Variants in PDE4D observed in about 807,000 individuals in gnomAD.
PDE4D encodes phosphodiesterase 4D, also known as 3',5'-cyclic-AMP phosphodiesterase 4D.
PDE4D carries 24 observed loss-of-function variants against 87.4 expected under a neutral mutation model. That is an observed-to-expected ratio of 0.27 (90% CI 0.20 to 0.39). The LOEUF is 0.39. PDE4D is among the 10% of genes least tolerant of loss of function. PDE4D has a pLI of 1.00. For synonymous variants in PDE4D, 384 were observed against 383.2 expected (o/e 1.00, Z -0.02); for missense variants, 714 against 1,041.0 (o/e 0.69, Z 4.32).
chr5:59,215,741 T>G (rs1581425127), intron 2 of PDE4D, 36 bp downstream of exon 2: 1 of 1,575,672 alleles, frequency 6.3e-7, no homozygotes, highest in Non-Finnish European at 8.7e-7. Flanking sequence ...ATAAATTTAC[T>G]CGGTTTTCTC....
intron 1 of PDE4D, among the ~76,000 whole-genome samples, chr5:60,288,247 C>T (rs1752594456): frequency 6.6e-6 from 1 of 152,108 alleles, no homozygotes; most frequent in Non-Finnish European, 1.5e-5. Context: ...TGAAATATAC[C>T]GATGATCTTA....
chr5:59,292,002 T>A lies in PDE4D; in HGVS notation c.456-76034A>T, dbSNP rs1768132754. On this transcript the variant is annotated intron_variant, in intron 1 of 14. Coordinates refer to ENST00000340635, the MANE Select transcript of PDE4D (RefSeq NM_001104631.2). The stretch of plus-strand genomic sequence containing the variant: ...TTTTGCAAAAAAGTTGAGTCTTAAG[T>A]ATGGTGCTTGGCAAAAGTTGCTTTA... 1.3e-5 allele frequency among the ~76,000 whole-genome samples: 2 copies of A among 152,026 alleles called. 1 individual carries two copies. Among genetic ancestry groups the A allele is most frequent in the Non-Finnish European group, 2.9e-5 (2 of 68,006 alleles).
intron 2 of PDE4D, among the ~76,000 whole-genome samples, chr5:60,020,783 G>A (rs915451271): frequency 8.5e-5 from 13 of 152,088 alleles, no homozygotes; most frequent in Admixed American, 3.3e-4. Flanking sequence ...CTAACAAATT[G>A]TGAGGAAAAA....
At chr5:59,341,367 T>G (rs1050732066) in intron 1 of PDE4D, among the ~76,000 whole-genome samples, 3 of 152,226 alleles carry the variant, frequency 2.0e-5, no homozygotes, top group African/African-American at 7.2e-5. Flanking sequence ...CGTTGTACTT[T>G]GGATCAAATT....
chr5:59,639,217 A>G (rs1741125315), intron 1 of PDE4D, among the ~76,000 whole-genome samples: 1 of 152,114 alleles, frequency 6.6e-6, no homozygotes, highest in South Asian at 2.1e-4. Context: ...TGAGATATTA[A>G]GGTTTTTTTC....
chr5:59,668,851 A>G (rs12655982), intron 1 of PDE4D, among the ~76,000 whole-genome samples: 34,477 of 70,436 alleles, frequency 0.49, 7,530 homozygotes, highest in East Asian at 0.56. Flanking sequence ...AAGAGGAAGA[A>G]GAAGAAGAAG....
chr5:59,357,255 T>G (rs114319865), intron 1 of PDE4D, among the ~76,000 whole-genome samples: 114 of 152,290 alleles, frequency 7.5e-4, no homozygotes, highest in African/African-American at 2.7e-3. Flanking sequence ...TATATCAGTG[T>G]GAACTTTAAA....
At chr5:59,381,488 C>T (rs1242858044) in intron 1 of PDE4D, among the ~76,000 whole-genome samples, 1 of 130,968 alleles carries the variant, frequency 7.6e-6, no homozygotes, top group Non-Finnish European at 1.7e-5. Context: ...AAACATATAT[C>T]TTTTTTTGAA....
intron 1 of PDE4D, among the ~76,000 whole-genome samples, chr5:60,305,399 C>T (rs1754403736): frequency 6.6e-6 from 1 of 151,768 alleles, no homozygotes; most frequent in South Asian, 2.1e-4. Flanking sequence ...TTCTATAAGC[C>T]TTCACAGGGA....
intron 1 of PDE4D, among the ~76,000 whole-genome samples, chr5:59,681,900 CA>C (rs11266968): frequency 0.08 from 7,745 of 96,330 alleles, 722 homozygotes; most frequent in African/African-American, 0.28. Flanking sequence ...GACTCTGTCT[CA>C]AAAAAAAAAA....
At chr5:60,123,891 A>G (rs1413750738) in intron 2 of PDE4D, among the ~76,000 whole-genome samples, 5 of 152,176 alleles carry the variant, frequency 3.3e-5, no homozygotes, top group Non-Finnish European at 7.3e-5. Context: ...AATAAATTAA[A>G]CAATTACCCC....
chr5:59,665,770 T>C (rs1362677786), intron 1 of PDE4D, among the ~76,000 whole-genome samples: 1 of 152,164 alleles, frequency 6.6e-6, no homozygotes, highest in East Asian at 1.9e-4. Flanking sequence ...TTAATGCACA[T>C]ATTAAAGAGG....
At chr5:59,811,913 A>G (rs540462516) in intron 1 of PDE4D, among the ~76,000 whole-genome samples, 3 of 152,334 alleles carry the variant, frequency 2.0e-5, no homozygotes, top group South Asian at 4.1e-4. Flanking sequence ...ATTCCCTCAT[A>G]TCTCTACCAG....
intron 2 of PDE4D, among the ~76,000 whole-genome samples, chr5:60,048,104 C>A (rs1404130177): frequency 6.6e-6 from 1 of 151,976 alleles, no homozygotes; most frequent in East Asian, 1.9e-4. Flanking sequence ...GAATTGATCC[C>A]TTTACCATTA....
chr5:59,586,974 A>T (rs926298410), intron 1 of PDE4D: 1 of 985,330 alleles, frequency 1.0e-6, no homozygotes, highest in African/African-American at 1.7e-5. Context: ...GCTAGAAACC[A>T]TGTATCACCA....
At chr5:60,474,108 A>ATATATATG (rs1561295618) in intron 1 of PDE4D, among the ~76,000 whole-genome samples, 1 of 52,312 alleles carries the variant, frequency 1.9e-5, no homozygotes, top group Non-Finnish European at 3.4e-5. Context: ...GAGCTGCCAT[A>ATATATATG]TATATATATA....
At chr5:60,078,696 T>C (rs1236331263) in intron 2 of PDE4D, among the ~76,000 whole-genome samples, 11 of 152,246 alleles carry the variant, frequency 7.2e-5, no homozygotes, top group Admixed American at 7.2e-4. Context: ...TTCATCCATG[T>C]TCCTGCAAAG....
At chr5:59,028,399 A>C (rs1236998449) in intron 6 of PDE4D, among the ~76,000 whole-genome samples, 1 of 150,842 alleles carries the variant, frequency 6.6e-6, no homozygotes, top group Non-Finnish European at 1.5e-5. Context: ...TCTAACCCTC[A>C]CCCCCCAAAA....
At chr5:59,617,643 G>T (rs1351829077) in intron 1 of PDE4D, among the ~76,000 whole-genome samples, 2 of 152,180 alleles carry the variant, frequency 1.3e-5, no homozygotes, top group Non-Finnish European at 2.9e-5. Context: ...GTGAAGACTG[G>T]ATGGATGCTG....
Sources: gnomAD v4.1 joint callset for allele counts (sites outside exome capture counted in the v4.1 genomes callset) on GRCh38, gnomAD v4.1.1 for gene constraint, MANE v1.5 for transcripts, NCBI Gene and HGNC (gene_info 2026-07-23, HGNC 2026-07-21) for gene names.